Variants in UNC5D observed in about 807,000 individuals in gnomAD.
UNC5D encodes unc-5 netrin receptor D.
UNC5D carries 39 observed loss-of-function variants against 105.4 expected under a neutral mutation model. That is an observed-to-expected ratio of 0.37 (90% CI 0.29 to 0.48). The LOEUF is 0.48. UNC5D is among the 20% of genes least tolerant of loss of function. The probability of loss-of-function intolerance (pLI) is 0.98; values close to 1 mark genes in which losing one functional copy is unlikely to be tolerated. For synonymous variants in UNC5D, 452 were observed against 450.4 expected (o/e 1.00, Z -0.04); for missense variants, 991 against 1,202.4 (o/e 0.82, Z 2.60).
intron 1 of UNC5D, among the ~76,000 whole-genome samples, chr8:35,428,231 G>C (rs1308412223): frequency 6.6e-6 from 1 of 151,936 alleles, no homozygotes; most frequent in Admixed American, 6.6e-5. Context: ...AGGCTGGACT[G>C]CACAGTGGCG....
chr8:35,636,563 TAA>T (rs774663651), intron 4 of UNC5D, among the ~76,000 whole-genome samples: 1 of 152,084 alleles, frequency 6.6e-6, no homozygotes, highest in Non-Finnish European at 1.5e-5. Context: ...CTGATTTAGG[TAA>T]AGAGTCTAAG....
At chr8:35,507,921 T>G (rs1056316601) in intron 1 of UNC5D, among the ~76,000 whole-genome samples, 1 of 152,084 alleles carries the variant, frequency 6.6e-6, no homozygotes, top group South Asian at 2.1e-4. Context: ...ATTATTTTTT[T>G]AAAAAAATTA....
At chr8:35,243,921 CCCTTAGGAAA>C (rs1802941205) in intron 1 of UNC5D, among the ~76,000 whole-genome samples, 2 of 152,218 alleles carry the variant, frequency 1.3e-5, no homozygotes, top group South Asian at 4.2e-4. Flanking sequence ...TGTGATAAAA[CCCTTAGGAAA>C]CTTTATTCAC....
chr8:35,552,569 C>T (rs78392277), intron 2 of UNC5D, among the ~76,000 whole-genome samples: 3,152 of 152,290 alleles, frequency 0.021, 117 homozygotes, highest in African/African-American at 0.072. Context: ...ATCCTTTAAT[C>T]TGGGCATGTT....
chr8:35,691,494 T>G (rs1586448002), intron 7 of UNC5D, among the ~76,000 whole-genome samples: 1 of 151,998 alleles, frequency 6.6e-6, no homozygotes, highest in East Asian at 1.9e-4. Context: ...CACTTAAAAA[T>G]CAAAAAGTAG....
chr8:35,677,695 C>T (rs1825344137), intron 4 of UNC5D, among the ~76,000 whole-genome samples: 1 of 151,916 alleles, frequency 6.6e-6, no homozygotes, highest in South Asian at 2.1e-4. Context: ...AGTTAAGTGT[C>T]TACTACTATG....
chr8:35,557,318 T>C (rs1816625242), intron 2 of UNC5D, among the ~76,000 whole-genome samples: 1 of 152,180 alleles, frequency 6.6e-6, no homozygotes, highest in Non-Finnish European at 1.5e-5. Flanking sequence ...TCGCGGTGCT[T>C]CTGAGGAATA....
At chr8:35,451,079 T>A (rs952961096) in intron 1 of UNC5D, among the ~76,000 whole-genome samples, 1 of 150,702 alleles carries the variant, frequency 6.6e-6, no homozygotes, top group Non-Finnish European at 1.5e-5. Context: ...GTTTTGCTCT[T>A]GTTTCCCGGG....
rs1218992245 is a variant in UNC5D, at chr8:35,774,409, T to G, written c.2589T>G (p.Ala863=). 2 of 1,614,132 alleles carry G rather than the reference T, an allele frequency of 1.2e-6. No individual in the cohort carries two copies. The change falls in exon 16 of 17, where the codon GCT becomes GCG. Residue 863 remains alanine, a synonymous_variant. Transcript: ENST00000404895. ...ACTCCATCAGACAGCGGATTTGTGC[T>G]ACATTTGATACCCCCAATGCCAAAG... ...IPYSIRQRIC[A]TFDTPNAKGK... is the part of the protein sequence containing the mutation.
chr8:35,553,520 A>G (rs58417870), intron 2 of UNC5D, among the ~76,000 whole-genome samples: 15,797 of 152,268 alleles, frequency 0.1, 1,145 homozygotes, highest in East Asian at 0.24. Flanking sequence ...AGAACTTAAT[A>G]GCACAACTTT....
rs58478029 is a variant in UNC5D, at chr8:35,572,275, C to CAAAAAA, written c.466+4054_466+4059dup. ...TGCACTCCAGCCTGAGCGAGACTGT[C>CAAAAAA]AAAAAAAAAAAAAAAAAAAAAAAAA... On this transcript the variant is annotated intron_variant, in intron 3 of 16. Transcript: ENST00000404895. Among the ~76,000 whole-genome samples the CAAAAAA allele has an allele frequency of 1.7e-3, 123 of 72,456 alleles. 2 individuals carry two copies. Among genetic ancestry groups the CAAAAAA allele is most frequent in the African/African-American group, 6.9e-3 (119 of 17,136 alleles). The allele number at this position is 72,456 out of a possible 152,430, so 47.5% of individuals were successfully genotyped here. A position where few individuals can be genotyped will look rare whatever the true frequency, so the allele number is the denominator to read the frequency against.
rs1170955749 is a variant in UNC5D at position 35,794,986 on chromosome 8, C to T, written c.*4423C>T. 3.9e-5 allele frequency: 6 copies of T among 152,186 alleles called. No individual in the cohort carries two copies. The highest frequency in any genetic ancestry group is 7.3e-5 in the Non-Finnish European group (5 of 68,038). The allele number at this position is 152,186 out of a possible 1,614,324, so 9.4% of individuals were successfully genotyped here. ...TGGTTTTTGAAGCAGCTACTCATTG[C>T]TTTTTCCTTTTGCTGTGAAGATCAT... On this transcript the variant is annotated 3_prime_UTR_variant, in exon 17 of 17. Coordinates refer to ENST00000404895, the MANE Select transcript of UNC5D (RefSeq NM_080872.4).
At chr8:35,602,895 C>A (rs1819995512) in intron 4 of UNC5D, among the ~76,000 whole-genome samples, 1 of 140,846 alleles carries the variant, frequency 7.1e-6, no homozygotes, top group African/African-American at 2.6e-5. Flanking sequence ...CACAACAGTC[C>A]CCAGAGTGGG....
In UNC5D at chr8:35,551,000, T is replaced by C. The variant is rs1816093139; in HGVS notation, c.322+1490T>C. Among the ~76,000 whole-genome samples, 3 of 152,292 alleles carry C rather than the reference T, an allele frequency of 2.0e-5. No individual in the cohort carries two copies. The South Asian group carries it at 6.2e-4, about 32-fold the overall frequency. The stretch of plus-strand genomic sequence containing the variant: ...TGGCTAGAAAACTCAGTTTAATCAA[T>C]GGCATGAAAGGCCTCAAATAAGAGT... On this transcript the variant is annotated intron_variant, in intron 2 of 16. Coordinates refer to ENST00000404895, the MANE Select transcript of UNC5D (RefSeq NM_080872.4).
intron 1 of UNC5D, among the ~76,000 whole-genome samples, chr8:35,337,751 T>C (rs2128898942): frequency 6.6e-6 from 1 of 151,368 alleles, no homozygotes; most frequent in African/African-American, 2.4e-5. Context: ...TATTTCTTTC[T>C]TTTTTCAAGA....
intron 1 of UNC5D, among the ~76,000 whole-genome samples, chr8:35,312,223 C>G (rs1196447100): frequency 6.6e-6 from 1 of 152,174 alleles, no homozygotes; most frequent in Non-Finnish European, 1.5e-5. Flanking sequence ...TCCGACATAG[C>G]TTACAATAAT....
At chr8:35,671,914 A>G (rs1295995766) in intron 4 of UNC5D, among the ~76,000 whole-genome samples, 4 of 152,134 alleles carry the variant, frequency 2.6e-5, no homozygotes, top group Non-Finnish European at 4.4e-5. Flanking sequence ...ATTACCTTCT[A>G]TAATTGGAAC....
At chr8:35,382,917 C>T (rs1803132817) in intron 1 of UNC5D, among the ~76,000 whole-genome samples, 1 of 152,196 alleles carries the variant, frequency 6.6e-6, no homozygotes, top group African/African-American at 2.4e-5. Context: ...CTGTCGTCGT[C>T]TACTTTTCAC....
chr8:35,788,434 A>G (rs1322689657), intron 16 of UNC5D, among the ~76,000 whole-genome samples: 1 of 152,168 alleles, frequency 6.6e-6, no homozygotes, highest in African/African-American at 2.4e-5. Flanking sequence ...AAAAGTCCCT[A>G]TGAAGAACAG....
Sources: allele counts gnomAD v4.1 joint callset (sites outside exome capture counted in the v4.1 genomes callset), GRCh38; gene constraint gnomAD v4.1.1; transcripts MANE v1.5; gene names NCBI Gene and HGNC (gene_info 2026-07-23, HGNC 2026-07-21).